Variants in CLVS1 observed in about 807,000 individuals in gnomAD.
The protein encoded by CLVS1 is clavesin-1.
Under a neutral mutation model 33.1 loss-of-function variants are expected in CLVS1, and 10 were observed. That is an observed-to-expected ratio of 0.30 (90% confidence interval 0.19 to 0.51). CLVS1 has a LOEUF of 0.51. Among genes scored for constraint, CLVS1 ranks in the 20% least tolerant of loss-of-function variants. The pLI is 0.97. For synonymous variants in CLVS1, 163 were observed against 166.1 expected (o/e 0.98, Z 0.14); for missense variants, 343 against 433.4 (o/e 0.79, Z 1.85).
chr8:61,306,800 T>C (rs968953747), intron 2 of CLVS1, among the ~76,000 whole-genome samples: 10 of 152,350 alleles, frequency 6.6e-5, no homozygotes, highest in African/African-American at 2.2e-4. Context: ...TCCATATCTT[T>C]GTCAGCATCT....
chr8:61,142,745 G>A (rs1806331143), intron 2 of CLVS1, among the ~76,000 whole-genome samples: 1 of 152,216 alleles, frequency 6.6e-6, no homozygotes, highest in Non-Finnish European at 1.5e-5. Flanking sequence ...GCTCAGATTA[G>A]AGGGGAGGAG....
At chr8:61,194,233 AGAT>A (rs1340362784) in intron 2 of CLVS1, among the ~76,000 whole-genome samples, 3 of 152,084 alleles carry the variant, frequency 2.0e-5, no homozygotes, top group Admixed American at 6.6e-5. Flanking sequence ...GTAAATGACT[AGAT>A]GCTCCAGTTA....
chr8:61,412,699 G>A (rs981550192), intron 3 of CLVS1, among the ~76,000 whole-genome samples: 3 of 152,198 alleles, frequency 2.0e-5, no homozygotes, highest in Non-Finnish European at 2.9e-5. Context: ...GCAGACACAC[G>A]TGTTCCAGGA....
intron 2 of CLVS1, among the ~76,000 whole-genome samples, chr8:61,321,103 C>T (rs1028991177): frequency 5.3e-5 from 8 of 152,170 alleles, no homozygotes; most frequent in African/African-American, 1.9e-4. Flanking sequence ...TGTTTTTCCA[C>T]CAAGATTTTC....
intron 2 of CLVS1, chr8:61,203,181 A>T: frequency 8.9e-7 from 1 of 1,128,044 alleles, no homozygotes; most frequent in Non-Finnish European, 1.3e-6. Context: ...CGGATGACTG[A>T]CCAAGAGGCT....
exon 1 of CLVS1, chr8:61,057,214 C>T (rs139371637): frequency 7.9e-5 from 12 of 152,332 alleles, no homozygotes; most frequent in African/African-American, 9.6e-5. Flanking sequence ...GGACAGCCCA[C>T]GTCTCATTGT....
At chr8:61,417,114 G>T (rs142094725) in intron 3 of CLVS1, among the ~76,000 whole-genome samples, 104 of 152,276 alleles carry the variant, frequency 6.8e-4, no homozygotes, top group African/African-American at 2.3e-3. Flanking sequence ...GGGAAGACAG[G>T]CAGGATGAGT....
At chr8:61,328,635 A>G (rs548049129) in intron 2 of CLVS1, among the ~76,000 whole-genome samples, 3 of 152,312 alleles carry the variant, frequency 2.0e-5, no homozygotes, top group East Asian at 1.9e-4. Flanking sequence ...TGCTCCAGAC[A>G]GAAAATTCCC....
chr8:61,393,645 G>A (rs767119130), intron 3 of CLVS1, among the ~76,000 whole-genome samples: 1 of 152,128 alleles, frequency 6.6e-6, no homozygotes, highest in Non-Finnish European at 1.5e-5. Context: ...GGGGCTTCCT[G>A]AGAGCCAGAC....
At chr8:61,017,517 C>T in the CLVS1 span, among the ~76,000 whole-genome samples, 2 of 152,214 alleles carry the variant, frequency 1.3e-5, no homozygotes, top group Non-Finnish European at 2.9e-5. Flanking sequence ...TTTTCTCGTG[C>T]CTGTTAATCA....
intron 2 of CLVS1, among the ~76,000 whole-genome samples, chr8:61,308,678 G>A (rs1003966867): frequency 6.6e-6 from 1 of 152,140 alleles, no homozygotes; most frequent in Admixed American, 6.5e-5. Flanking sequence ...GAGAGCCCTC[G>A]ATGGAGACTG....
chr8:61,224,487 C>T (rs1028876193), intron 2 of CLVS1, among the ~76,000 whole-genome samples: 1 of 152,178 alleles, frequency 6.6e-6, no homozygotes, highest in Non-Finnish European at 1.5e-5. Flanking sequence ...ATCTGATTCA[C>T]TTCCGTGTCT....
chr8:61,351,164 C>A (rs1348077368), intron 2 of CLVS1, among the ~76,000 whole-genome samples: 1 of 151,894 alleles, frequency 6.6e-6, no homozygotes, highest in East Asian at 1.9e-4. Flanking sequence ...AATGCTTCAG[C>A]AGTTGATTAC....
At chr8:61,095,838 C>T (rs192521432) in intron 1 of CLVS1, among the ~76,000 whole-genome samples, 1 of 152,284 alleles carries the variant, frequency 6.6e-6, no homozygotes, top group East Asian at 1.9e-4. Context: ...GAAAAAGCAA[C>T]ATCAGCCCAG....
At position 61,300,211 on chromosome 8, in the gene CLVS1, G is replaced by A; in HGVS notation, c.384G>A (p.Gly128=). 3 of 1,613,974 alleles carry A rather than the reference G, an allele frequency of 1.9e-6. No individual in the cohort carries two copies. The highest frequency in any genetic ancestry group is 1.7e-4 in the Middle Eastern group (1 of 6,058). The part of the protein sequence containing the change: ...IKRALIDGFP[G]VLENRDHYGR... ...GGGCTCTGATCGATGGGTTCCCCGG[G>A]GTGCTGGAAAACCGAGACCATTACG... Residue 128 remains glycine, a synonymous_variant, in exon 2 of 6, where the codon GGG becomes GGA. Coordinates refer to ENST00000325897, the MANE Select transcript of CLVS1 (RefSeq NM_173519.3).
chr8:61,224,000 A>G (rs1808277459), intron 2 of CLVS1, among the ~76,000 whole-genome samples: 1 of 151,952 alleles, frequency 6.6e-6, no homozygotes, highest in African/African-American at 2.4e-5. Context: ...TTCTCGTGCT[A>G]TGTTTTTCAG....
intron 1 of CLVS1, among the ~76,000 whole-genome samples, chr8:61,110,106 C>T (rs957793283): frequency 6.6e-6 from 1 of 152,182 alleles, no homozygotes; most frequent in Non-Finnish European, 1.5e-5. Flanking sequence ...ACGGTTGCCC[C>T]CTTCTATTGA....
chr8:61,345,112 A>G (rs1256360751), intron 2 of CLVS1, among the ~76,000 whole-genome samples: 2 of 152,294 alleles, frequency 1.3e-5, no homozygotes, highest in African/African-American at 4.8e-5. Context: ...ATAAAAACAA[A>G]TCCTCTGTTA....
chr8:61,103,414 G>C (rs929625267), intron 1 of CLVS1, among the ~76,000 whole-genome samples: 2 of 152,200 alleles, frequency 1.3e-5, no homozygotes, highest in Non-Finnish European at 2.9e-5. Context: ...TGGATAAACT[G>C]AGAGTAGTTT....
Sources: allele counts gnomAD v4.1 joint callset (sites outside exome capture counted in the v4.1 genomes callset), GRCh38; gene constraint gnomAD v4.1.1; transcripts MANE v1.5; gene names NCBI Gene and HGNC (gene_info 2026-07-23, HGNC 2026-07-21).